Variants in SLC71A1 observed in about 807,000 individuals in gnomAD.
SLC71A1 encodes solute carrier family 71 member 1, also known as hippocampus abundant gene transcript 1.
the SLC71A1 span, chr1:100,068,244 G>T: frequency 7.2e-7 from 1 of 1,385,312 alleles, no homozygotes. Context: ...GCATGATTCA[G>T]TGCAGCATTA....
chr1:100,081,474 C>T, the SLC71A1 span, among the ~76,000 whole-genome samples: 2 of 152,092 alleles, frequency 1.3e-5, no homozygotes, highest in Non-Finnish European at 2.9e-5. Flanking sequence ...CAAGTTCAAG[C>T]GATTCTTTTA....
chr1:100,068,387 C>A, the SLC71A1 span: 3 of 1,003,826 alleles, frequency 3.0e-6, no homozygotes, highest in South Asian at 1.4e-5. Flanking sequence ...GAGTACACTG[C>A]CAAAAGGAAT....
chr1:100,078,563 A>T, the SLC71A1 span: 2 of 1,539,070 alleles, frequency 1.3e-6, no homozygotes, highest in Non-Finnish European at 1.8e-6. Flanking sequence ...GTTGATAGGA[A>T]CTAGCGATAA....
chr1:100,046,207 G>A, the SLC71A1 span, among the ~76,000 whole-genome samples: 3 of 123,544 alleles, frequency 2.4e-5, no homozygotes, highest in Non-Finnish European at 4.9e-5. Context: ...ATTCCTCCAA[G>A]CCTCGTTTTT....
At chr1:100,043,185 C>T in the SLC71A1 span, 1 of 981,122 alleles carries the variant, frequency 1.0e-6, no homozygotes, top group Non-Finnish European at 1.2e-6. Flanking sequence ...TTTGCAGCTA[C>T]TGAAAGTTTA....
the SLC71A1 span, among the ~76,000 whole-genome samples, chr1:100,075,757 C>T: frequency 1.3e-5 from 2 of 152,176 alleles, no homozygotes; most frequent in South Asian, 2.1e-4. Context: ...TGGCTTACTG[C>T]AGCCTCGACC....
chr1:100,067,927 G>A, the SLC71A1 span: 1 of 1,432,422 alleles, frequency 7.0e-7, no homozygotes. Context: ...ATGTGGTGTT[G>A]AGGAAAAAAG....
chr1:100,070,263 C>A, the SLC71A1 span, among the ~76,000 whole-genome samples: 2 of 152,150 alleles, frequency 1.3e-5, no homozygotes, highest in Non-Finnish European at 1.5e-5. Context: ...GTATGAGGAA[C>A]AAGCTGTAGG....
chr1:100,061,679 T>A, the SLC71A1 span, among the ~76,000 whole-genome samples: 1 of 152,242 alleles, frequency 6.6e-6, no homozygotes, highest in African/African-American at 2.4e-5. Context: ...TCATAATATC[T>A]GTGGCTTATA....
chr1:100,073,091 G>A, the SLC71A1 span, among the ~76,000 whole-genome samples: 401 of 152,190 alleles, frequency 2.6e-3, 1 homozygote, highest in Non-Finnish European at 4.1e-3. Context: ...AAGCCTTAGC[G>A]ACATTCATGA....
the SLC71A1 span, chr1:100,060,044 T>C: frequency 6.5e-7 from 1 of 1,539,946 alleles, no homozygotes. Context: ...AAATATCACT[T>C]TCAGCTATTG....
At chr1:100,080,784 A>G in the SLC71A1 span, 1 of 840,108 alleles carries the variant, frequency 1.2e-6, no homozygotes, top group South Asian at 2.0e-5. Context: ...CTTAAAAACC[A>G]GAGTTTAAGG....
At chr1:100,079,052 TGA>T in the SLC71A1 span, 1 of 152,450 alleles carries the variant, frequency 6.6e-6, no homozygotes, top group Admixed American at 6.5e-5. Context: ...GGCGACACAG[TGA>T]GAGACCTTGA....
chr1:100,041,150 T>C, the SLC71A1 span, among the ~76,000 whole-genome samples: 1 of 152,224 alleles, frequency 6.6e-6, no homozygotes, highest in Non-Finnish European at 1.5e-5. Flanking sequence ...TTAGAGCAGA[T>C]TAGAGCAGAT....
chr1:100,046,392 A>AT, the SLC71A1 span, among the ~76,000 whole-genome samples: 1 of 151,552 alleles, frequency 6.6e-6, no homozygotes, highest in South Asian at 2.1e-4. Flanking sequence ...CGCCTGGCTA[A>AT]TTTTTGTATT....
At chr1:100,064,251 G>T in the SLC71A1 span, among the ~76,000 whole-genome samples, 1 of 151,830 alleles carries the variant, frequency 6.6e-6, no homozygotes, top group Non-Finnish European at 1.5e-5. Flanking sequence ...AAACGATTCT[G>T]CTGCCTCAGC....
the SLC71A1 span, chr1:100,038,411 C>T: frequency 2.0e-6 from 2 of 1,014,978 alleles, no homozygotes; most frequent in African/African-American, 1.6e-5. Context: ...GTCCCGGTGC[C>T]TCCCTCCCTT....
chr1:100,059,868 AT>A, the SLC71A1 span: 3 of 1,592,094 alleles, frequency 1.9e-6, no homozygotes, highest in Admixed American at 1.8e-5. Context: ...TTTTCATTTA[AT>A]TTTTTTAGGG....
the SLC71A1 span, among the ~76,000 whole-genome samples, chr1:100,057,720 A>G: frequency 2.0e-5 from 3 of 152,182 alleles, no homozygotes; most frequent in Non-Finnish European, 4.4e-5. Flanking sequence ...CAGGAGAAGA[A>G]TAACTGAAGA....
Sources: allele counts gnomAD v4.1 joint callset (sites outside exome capture counted in the v4.1 genomes callset), GRCh38; gene constraint gnomAD v4.1.1; transcripts MANE v1.5; gene names NCBI Gene and HGNC (gene_info 2026-07-23, HGNC 2026-07-21).